SCN10A: variants seen among roughly 807,000 people sequenced by gnomAD.
SCN10A encodes the protein sodium channel protein type 10 subunit alpha.
A neutral mutation model predicts 170.7 loss-of-function variants in SCN10A; 162 were observed. The ratio of observed to expected loss-of-function variants is 0.95; its 90% CI spans 0.84 to 1.08. SCN10A has a LOEUF of 1.08. Ranked by LOEUF, SCN10A falls within the 50% of genes least tolerant of loss-of-function variation. The pLI is 0.00. For missense variants in SCN10A, 2,527 were observed against 2,436.9 expected (o/e 1.04, Z -0.78); for synonymous variants, 985 against 904.6 (o/e 1.09, Z -1.59).
intron 15 of SCN10A, among the ~76,000 whole-genome samples, chr3:38,738,288 T>C (rs1045498145): frequency 6.6e-6 from 1 of 152,136 alleles, no homozygotes; most frequent in African/African-American, 2.4e-5. Flanking sequence ...GTGCACTGCT[T>C]TGGGTCTGCC....
intron 5 of SCN10A, among the ~76,000 whole-genome samples, chr3:38,769,835 G>A (rs571435808): frequency 6.6e-6 from 1 of 152,218 alleles, no homozygotes; most frequent in East Asian, 1.9e-4. Flanking sequence ...TGTTCTTCTG[G>A]GCCTAGCCAC....
At chr3:38,764,077 C>T (rs935433987) in intron 5 of SCN10A, among the ~76,000 whole-genome samples, 1 of 152,212 alleles carries the variant, frequency 6.6e-6, no homozygotes, top group East Asian at 1.9e-4. Context: ...AATGAGGAAG[C>T]TGAACTGAGA....
At chr3:38,735,169 CA>C (rs543574832) in intron 15 of SCN10A, among the ~76,000 whole-genome samples, 20,791 of 76,328 alleles carry the variant, frequency 0.27, 758 homozygotes, top group East Asian at 0.4. Flanking sequence ...GACTCTGTCT[CA>C]AAAAAAAAAA....
At position 38,725,294 on chromosome 3, in the gene SCN10A, G is replaced by A. The variant is rs970173552; in HGVS notation, c.3108C>T (p.Val1036=). ...GTGTCAGGTGGTCCCCACACCTCTCGACTTGCTGCAGCTGCTCCTGCTAGT... is the reference window on the plus strand; with the variant it reads ...GTGTCAGGTGGTCCCCACACCTCTCAACTTGCTGCAGCTGCTCCTGCTAGT... ...PKGQQEQLQQ[V]ERCGDHLTPR... is the part of the protein sequence containing the mutation. Residue 1036 remains valine, a synonymous_variant, in exon 18 of 28, where the codon GTC becomes GTT. Transcript: ENST00000449082. 1.2e-5 allele frequency: 19 copies of A among 1,579,948 alleles called. No individual in the cohort carries two copies. The highest frequency in any genetic ancestry group is 3.4e-5 in the Admixed American group (2 of 59,080).
chr3:38,806,363 A>G (rs1013442402), intron 1 of SCN10A, among the ~76,000 whole-genome samples: 24 of 152,150 alleles, frequency 1.6e-4, no homozygotes, highest in Admixed American at 1.5e-3. Flanking sequence ...TTTTTGTGTC[A>G]AAGGAAGAAA....
chr3:38,794,811 A>T (rs1164184893), intron 1 of SCN10A, among the ~76,000 whole-genome samples: 3 of 152,094 alleles, frequency 2.0e-5, no homozygotes, highest in Non-Finnish European at 4.4e-5. Context: ...CTCTTTTCTC[A>T]CTATTCCCTG....
intron 5 of SCN10A, among the ~76,000 whole-genome samples, chr3:38,770,190 C>T (rs1023710849): frequency 6.6e-6 from 1 of 152,186 alleles, no homozygotes; most frequent in African/African-American, 2.4e-5. Context: ...GTTTGACCTC[C>T]AGCCGGTAGG....
At chr3:38,707,157 A>C in intron 26 of SCN10A, 122 bp downstream of exon 26, 1 of 1,029,898 alleles carries the variant, frequency 9.7e-7, no homozygotes, top group Admixed American at 2.6e-5. Flanking sequence ...CCCTCATCCC[A>C]ACGTCAACCC....
rs201342036 is a variant in SCN10A, at chr3:38,739,573, A to C, written c.2222T>G (p.Leu741Arg). 31 of 1,614,222 alleles carry C rather than the reference A, an allele frequency of 1.9e-5. No homozygotes were observed. Among genetic ancestry groups the C allele is most frequent in the Non-Finnish European group, 2.4e-5 (28 of 1,180,034 alleles). The change falls in exon 15 of 28, where the codon CTG becomes CGG. Residue 741 changes from leucine (L) to arginine (R), a missense_variant. Transcript: ENST00000449082. Reference protein sequence around the residue: ...IFDCIIVTVSLLELGVAKKGS... With the variant: ...IFDCIIVTVSRLELGVAKKGS... The stretch of plus-strand genomic sequence containing the variant: ...CTTCTTGGCCACGCCCAGCTCTAGC[A>C]GACTCACAGTGACGATGATGCAGTC...
chr3:38,713,839 G>T (rs987067377), intron 22 of SCN10A, 119 bp downstream of exon 22: 4 of 1,169,820 alleles, frequency 3.4e-6, no homozygotes, highest in Admixed American at 4.1e-5. Flanking sequence ...TGTTGGCCAG[G>T]GTGGTTTTGA....
chr3:38,709,795 G>A (rs1262728296), intron 24 of SCN10A, among the ~76,000 whole-genome samples, 180 bp from the exon 25 acceptor site: 1 of 152,208 alleles, frequency 6.6e-6, no homozygotes, highest in African/African-American at 2.4e-5. Context: ...CTGTGAAGAG[G>A]ATGTTGTTAA....
chr3:38,717,169 G>A (rs2063342098), intron 21 of SCN10A, among the ~76,000 whole-genome samples: 1 of 152,126 alleles, frequency 6.6e-6, no homozygotes, highest in Non-Finnish European at 1.5e-5. Context: ...AAGAGAAGAG[G>A]GAAAGAAGAA....
intron 1 of SCN10A, among the ~76,000 whole-genome samples, chr3:38,807,357 C>T (rs1358541189): frequency 6.6e-6 from 1 of 152,144 alleles, no homozygotes; most frequent in Non-Finnish European, 1.5e-5. Flanking sequence ...ATGAAAAATA[C>T]ATCAATGCAT....
chr3:38,728,402 T>A, intron 16 of SCN10A, 140 bp downstream of exon 16: 1 of 887,754 alleles, frequency 1.1e-6, no homozygotes, highest in Non-Finnish European at 1.6e-6. Flanking sequence ...GAATCCCACA[T>A]GAATTTGAAA....
chr3:38,755,907 A>G lies in SCN10A; in HGVS notation c.1342T>C (p.Ser448Pro), dbSNP rs775188334. The G allele has an allele frequency of 5.0e-6, 8 of 1,614,206 alleles. No individual in the cohort carries two copies. Among genetic ancestry groups the G allele is most frequent in the Non-Finnish European group, 6.8e-6 (8 of 1,180,036 alleles). The stretch of plus-strand genomic sequence containing the variant: ...CTGGCATTTTTGGAGGTTAAAGGTG[A>G]TCCATTGTGGGAGTGGAGAGAGGTT... ...DTTSLHSHNG[S>P]PLTSKNASER... The change falls in exon 11 of 28, where the codon TCA becomes CCA. Residue 448 changes from serine (S) to proline (P), a missense_variant. By Grantham distance (74) the Ser-to-Pro change is moderately conservative. Coordinates refer to ENST00000449082, the MANE Select transcript of SCN10A (RefSeq NM_006514.4).
chr3:38,741,891 C>T (rs2063636531), intron 14 of SCN10A, among the ~76,000 whole-genome samples: 1 of 152,088 alleles, frequency 6.6e-6, no homozygotes, highest in Non-Finnish European at 1.5e-5. Flanking sequence ...AAAGTAATTA[C>T]ATTGGAAGGA....
intron 5 of SCN10A, among the ~76,000 whole-genome samples, chr3:38,765,020 C>T (rs7650384): frequency 0.74 from 113,041 of 152,086 alleles, 42,546 homozygotes; most frequent in African/African-American, 0.86. Context: ...TTGAGAATTG[C>T]GTATTCTTGT....
intron 1 of SCN10A, among the ~76,000 whole-genome samples, chr3:38,812,306 G>T (rs1395950237): frequency 6.6e-6 from 1 of 152,158 alleles, no homozygotes. Flanking sequence ...CTGCAGAGAA[G>T]CCACTAAAGC....
At chr3:38,764,250 A>G (rs1160160997) in intron 5 of SCN10A, among the ~76,000 whole-genome samples, 1 of 152,212 alleles carries the variant, frequency 6.6e-6, no homozygotes, top group African/African-American at 2.4e-5. Flanking sequence ...GTTTTGGGAA[A>G]CAGGTGGTGT....
Sources: gnomAD v4.1 joint callset for allele counts (sites outside exome capture counted in the v4.1 genomes callset) on GRCh38, gnomAD v4.1.1 for gene constraint, MANE v1.5 for transcripts, NCBI Gene and HGNC (gene_info 2026-07-23, HGNC 2026-07-21) for gene names.